FREM2: variants seen among roughly 807,000 people sequenced by gnomAD.
FREM2 encodes FRAS1-related extracellular matrix protein 2.
Under a neutral mutation model 219.9 loss-of-function variants are expected in FREM2, and 119 were observed. That is an observed-to-expected ratio of 0.54 (90% confidence interval 0.47 to 0.63). The LOEUF (loss-of-function observed/expected upper bound fraction) is 0.63, where lower values mean the gene tolerates loss of function less well. Ranked by LOEUF, FREM2 falls within the 30% of genes least tolerant of loss-of-function variation. The pLI is 0.00. For missense variants in FREM2, 4,030 were observed against 3,993.6 expected, an observed-to-expected ratio of 1.01 and a Z score of -0.25; for synonymous variants, 1,562 against 1,522.8, an observed-to-expected ratio of 1.03 and a Z score of -0.60.
Position 38,687,086 on chromosome 13 carries a change from G to GT in FREM2, c.-259_-258insT. 1 of 579,872 alleles carries GT rather than the reference G, an allele frequency of 1.7e-6. No individual in the cohort carries two copies. Among genetic ancestry groups the GT allele is most frequent in the Non-Finnish European group, 3.1e-6 (1 of 326,052 alleles). The allele number at this position is 579,872 out of a possible 1,614,324, so 35.9% of individuals were successfully genotyped here. A position where few individuals can be genotyped will look rare whatever the true frequency, so the allele number is the denominator to read the frequency against. On this transcript the variant is annotated 5_prime_UTR_variant, in exon 1 of 24. Coordinates refer to ENST00000280481, the MANE Select transcript of FREM2 (RefSeq NM_207361.6). Reference sequence around the variant, plus strand: ...CGGGGACCTGGAAAGTAGAAGTGGAGGGATTCAATTCTCCGCGCGATTGAG... The same window carrying GT: ...CGGGGACCTGGAAAGTAGAAGTGGAGTGGATTCAATTCTCCGCGCGATTGAG...
intron 3 of FREM2, among the ~76,000 whole-genome samples, chr13:38,765,174 T>C (rs1873388767): frequency 6.6e-6 from 1 of 152,160 alleles, no homozygotes; most frequent in South Asian, 2.1e-4. Context: ...CCTCCCAAAG[T>C]GCTGGGATTA....
intron 6 of FREM2, among the ~76,000 whole-genome samples, chr13:38,814,780 T>C (rs1305679771): frequency 6.6e-6 from 1 of 152,170 alleles, no homozygotes; most frequent in African/African-American, 2.4e-5. Flanking sequence ...CAAACCACAA[T>C]GCAAAGTGCT....
chr13:38,800,233 G>A (rs1874957909), intron 6 of FREM2, among the ~76,000 whole-genome samples: 1 of 152,016 alleles, frequency 6.6e-6, no homozygotes, highest in East Asian at 1.9e-4. Flanking sequence ...AACATTTCTT[G>A]TAGGGCCAAT....
At chr13:38,859,983 A>C (rs1877704156) in intron 14 of FREM2, among the ~76,000 whole-genome samples, 1 of 152,126 alleles carries the variant, frequency 6.6e-6, no homozygotes, top group African/African-American at 2.4e-5. Flanking sequence ...GCTCAAGCTG[A>C]ATCTGAAAAG....
chr13:38,720,686 G>A (rs1287316343), intron 2 of FREM2, among the ~76,000 whole-genome samples: 1 of 114,040 alleles, frequency 8.8e-6, no homozygotes, highest in Non-Finnish European at 2.2e-5. Flanking sequence ...GTCAATTGAA[G>A]ATGCTGAGAA....
At chr13:38,824,518 A>G (rs1876196244) in intron 6 of FREM2, among the ~76,000 whole-genome samples, 1 of 152,086 alleles carries the variant, frequency 6.6e-6, no homozygotes, top group South Asian at 2.1e-4. Flanking sequence ...AGTCTCACCA[A>G]AGGCTCATAG....
rs1227429464 is a variant in FREM2 at position 38,779,964 on chromosome 13, T to A, written c.5642-3106T>A. Among the ~76,000 whole-genome samples, 21 of 152,220 alleles carry A rather than the reference T, an allele frequency of 1.4e-4. 1 individual carries two copies. The highest frequency in any genetic ancestry group is 1.2e-3 in the Admixed American group (19 of 15,282). On this transcript the variant is annotated intron_variant, in intron 4 of 23. Transcript: ENST00000280481. Reference sequence around the variant, plus strand: ...TCAGCCTCATTTGCTCGGTTTTCTTTATCTCCCTGACTTCTAAGTGCCCCA... The same window carrying A: ...TCAGCCTCATTTGCTCGGTTTTCTTAATCTCCCTGACTTCTAAGTGCCCCA...
Position 38,851,764 on chromosome 13 carries a change from T to C in FREM2, c.6821T>C (p.Ile2274Thr). The change falls in exon 11 of 24, where the codon ATT (isoleucine) becomes ACT (threonine). Residue 2274 changes from isoleucine (I) to threonine (T), a missense_variant. Ile to Thr is a moderately conservative substitution (Grantham distance 89). Around this residue, in one of 2 missense-constraint regions of FREM2, gnomAD observed 3,102 missense variants for 2,950.7 expected, o/e 1.05. Coordinates refer to ENST00000280481, the MANE Select transcript of FREM2 (RefSeq NM_207361.6). Reference protein sequence around the residue: ...KEPGESVVIRIPVIRQGDTSK... With the variant: ...KEPGESVVIRTPVIRQGDTSK... The stretch of plus-strand genomic sequence containing the variant: ...CCTGGAGAGTCGGTGGTTATAAGAA[T>C]TCCAGTGATTCGCCAAGGAGACACT... 9 of 1,613,798 alleles carry C rather than the reference T, an allele frequency of 5.6e-6. No homozygotes were observed. The highest frequency in any genetic ancestry group is 7.6e-6 in the Non-Finnish European group (9 of 1,179,764).
chr13:38,878,050 C>A lies in FREM2; in HGVS notation c.8672-84C>A. 4 of 1,151,268 alleles carry A rather than the reference C, an allele frequency of 3.5e-6. No homozygotes were observed. In the African/African-American group the frequency reaches 4.5e-5, roughly 13 times the overall value. The allele number at this position is 1,151,268 out of a possible 1,614,324, so 71.3% of individuals were successfully genotyped here. ...GGTGGCAAGGAAATAATCTCTGTGT[C>A]CTCATTGTCATAACCTGTTTACAGT... is the stretch of plus-strand genomic sequence containing the variant. On this transcript the variant is annotated intron_variant, in intron 21 of 23. Coordinates refer to ENST00000280481, the MANE Select transcript of FREM2 (RefSeq NM_207361.6).
chr13:38,869,599 AATG>A (rs1245427180), intron 16 of FREM2, among the ~76,000 whole-genome samples: 1 of 152,220 alleles, frequency 6.6e-6, no homozygotes, highest in Non-Finnish European at 1.5e-5. Flanking sequence ...GAATTTCTCT[AATG>A]ATATTTAACT....
rs904731798 is a variant in FREM2 at position 38,708,052 on chromosome 13, T to C, written c.5263+10265T>C. Among the ~76,000 whole-genome samples, 108 of 152,336 alleles carry C rather than the reference T, an allele frequency of 7.1e-4. 1 individual carries two copies. The highest frequency in any genetic ancestry group is 1.1e-3 in the Non-Finnish European group (78 of 68,038). On this transcript the variant is annotated intron_variant, in intron 2 of 23. Transcript: ENST00000280481. ...GGCCATTGGTTCCTTCAGAACCACA[T>C]TGAAGTTTATCTTAAATGACGTAAC...
Position 38,846,771 on chromosome 13 carries a change from G to C in FREM2, c.6169+49G>C. On this transcript the variant is annotated intron_variant, in intron 7 of 23. Coordinates refer to ENST00000280481, the MANE Select transcript of FREM2 (RefSeq NM_207361.6). ...TTTTGATTGTTCTGCAATTTTCAAT[G>C]ACCATGGCACAAATTTATTTAAAGC... 3 of 1,596,222 alleles carry C rather than the reference G, an allele frequency of 1.9e-6. 1 individual carries two copies. In the South Asian group the frequency reaches 3.3e-5, roughly 18 times the overall value.
At position 38,687,158 on chromosome 13, in the gene FREM2, G is replaced by A; in HGVS notation, c.-187G>A. ...GGCCTGGGAAGGCTTCGGCTCCTCGGCTGCGGCTCCAGCCCGGACGGCGCC... is the reference window on the plus strand; with the variant it reads ...GGCCTGGGAAGGCTTCGGCTCCTCGACTGCGGCTCCAGCCCGGACGGCGCC... On this transcript the variant is annotated 5_prime_UTR_variant, in exon 1 of 24. Transcript: ENST00000280481. 1.3e-6 allele frequency: 1 copy of A among 760,616 alleles called. No individual in the cohort carries two copies. The highest frequency in any genetic ancestry group is 2.1e-6 in the Non-Finnish European group (1 of 475,528). 47.1% of individuals were successfully genotyped at this position (760,616 alleles called of 1,614,324 possible).
At chr13:38,820,713 A>G (rs1411351010) in intron 6 of FREM2, among the ~76,000 whole-genome samples, 1 of 152,142 alleles carries the variant, frequency 6.6e-6, no homozygotes, top group Admixed American at 6.6e-5. Flanking sequence ...AAATCATAAA[A>G]CATACAGAAA....
intron 2 of FREM2, among the ~76,000 whole-genome samples, chr13:38,718,753 A>C (rs960716525): frequency 1.4e-4 from 22 of 152,228 alleles, no homozygotes; most frequent in African/African-American, 4.8e-4. Context: ...GAATGTGGAC[A>C]TCATTGCAAG....
At chr13:38,743,939 A>G (rs1282670415) in intron 2 of FREM2, among the ~76,000 whole-genome samples, 10 of 152,328 alleles carry the variant, frequency 6.6e-5, no homozygotes, top group Middle Eastern at 3.4e-3. Flanking sequence ...ATACAAAGGT[A>G]TATATGTTTT....
intron 3 of FREM2, 46 bp from the exon 4 acceptor site, chr13:38,769,532 C>A: frequency 6.7e-7 from 1 of 1,499,976 alleles, no homozygotes; most frequent in Non-Finnish European, 9.2e-7. Flanking sequence ...TCTTAATAAT[C>A]CAAGCGAAAA....
At chr13:38,783,969 C>T (rs994336148) in intron 5 of FREM2, among the ~76,000 whole-genome samples, 3 of 152,354 alleles carry the variant, frequency 2.0e-5, no homozygotes, top group Non-Finnish European at 2.9e-5. Context: ...GTGGCGCGCA[C>T]GCGCCTGTAA....
At chr13:38,878,606 G>A (rs912877130) in intron 22 of FREM2, among the ~76,000 whole-genome samples, 1 of 151,782 alleles carries the variant, frequency 6.6e-6, no homozygotes, top group Admixed American at 6.6e-5. Context: ...CTTAAGTCAG[G>A]AAGTTCAATC....
Sources: allele counts gnomAD v4.1 joint callset (sites outside exome capture counted in the v4.1 genomes callset), GRCh38; gene constraint gnomAD v4.1.1; regional missense constraint gnomAD v4.1.1; transcripts MANE v1.5; gene names NCBI Gene and HGNC (gene_info 2026-07-23, HGNC 2026-07-21).